INTS6: variants seen among roughly 807,000 people sequenced by gnomAD.
INTS6 encodes DEAD box protein.
In INTS6, 16 loss-of-function variants were observed where a neutral mutation model predicts 104.9. The ratio of observed to expected loss-of-function variants is 0.15; its 90% CI spans 0.10 to 0.23. The LOEUF (loss-of-function observed/expected upper bound fraction) is 0.23, where lower values mean the gene tolerates loss of function less well. Ranked by LOEUF, INTS6 falls within the 10% of genes least tolerant of loss-of-function variation. The pLI is 1.00. For synonymous variants in INTS6, 324 were observed against 358.7 expected (o/e 0.90, Z 1.09); for missense variants, 584 against 1,062.8 (o/e 0.55, Z 6.26).
chr13:51,452,384 G>C lies in INTS6; in HGVS notation c.111+31C>G. On this transcript the variant is annotated intron_variant, in intron 1 of 17. Coordinates refer to ENST00000311234, the MANE Select transcript of INTS6 (RefSeq NM_012141.3). The surrounding 1 kb of genome is among the most constrained non-coding windows in gnomAD (Gnocchi z 4.2). ...CTGCCGCCCGCGGGCCGCCGGGCCG[G>C]GGTCGCCGCCCGGGCTCGGTCAGTC... 1 of 1,527,636 alleles carries C rather than the reference G, an allele frequency of 6.5e-7. No individual in the cohort carries two copies. Among genetic ancestry groups the C allele is most frequent in the Non-Finnish European group, 8.8e-7 (1 of 1,137,408 alleles). The allele number at this position is 1,527,636 out of a possible 1,614,324, so 94.6% of individuals were successfully genotyped here. A position where few individuals can be genotyped will look rare whatever the true frequency, so the allele number is the denominator to read the frequency against.
rs1418703652 is a variant in INTS6 at position 51,430,544 on chromosome 13, ACATAAACTAAACAGTGATTAAC to A, written c.340-183_340-162del. Among the ~76,000 whole-genome samples the A allele has an allele frequency of 2.0e-5, 3 of 152,222 alleles. No individual in the cohort carries two copies. In the East Asian group the frequency reaches 5.8e-4, roughly 29 times the overall value. ...ATTTTAAGAAAAGATATAGAACGAC[ACATAAACTAAACAGTGATTAAC>A]CCTGAGAAAGAGGGATTAGGTAGAG... On this transcript the variant is annotated intron_variant, in intron 3 of 17. Coordinates refer to ENST00000311234, the MANE Select transcript of INTS6 (RefSeq NM_012141.3).
intron 4 of INTS6, among the ~76,000 whole-genome samples, chr13:51,399,709 T>C (rs942585583): frequency 6.8e-6 from 1 of 147,992 alleles, no homozygotes; most frequent in African/African-American, 2.4e-5. Context: ...CCATTGTGGG[T>C]GTGTGTGTGT....
chr13:51,348,318 C>T, the INTS6 span: 15 of 1,613,816 alleles, frequency 9.3e-6, no homozygotes, highest in Non-Finnish European at 1.3e-5. Flanking sequence ...AAAGACACCC[C>T]CCTGAGCCAC....
Position 51,421,079 on chromosome 13 carries a change from C to T in INTS6, c.429+9215G>A, listed in dbSNP as rs781592410. 299 of 909,250 alleles carry T rather than the reference C, an allele frequency of 3.3e-4. 1 individual carries two copies. Among genetic ancestry groups the T allele is most frequent in the Admixed American group, 2.2e-3 (35 of 16,148 alleles). The allele number at this position is 909,250 out of a possible 1,614,324, so 56.3% of individuals were successfully genotyped here. A position where few individuals can be genotyped will look rare whatever the true frequency, so the allele number is the denominator to read the frequency against. On this transcript the variant is annotated intron_variant, in intron 4 of 17. Coordinates refer to ENST00000311234, the MANE Select transcript of INTS6 (RefSeq NM_012141.3). ...CAGATTCTCCAACAAATAGTCATAGCCCCCAGAGAGAACTACACTCTACTC... is the reference window on the plus strand; with the variant it reads ...CAGATTCTCCAACAAATAGTCATAGTCCCCAGAGAGAACTACACTCTACTC...
intron 17 of INTS6, among the ~76,000 whole-genome samples, chr13:51,367,360 G>A (rs891590038): frequency 2.6e-5 from 4 of 152,072 alleles, no homozygotes; most frequent in African/African-American, 4.8e-5. Context: ...ATGTACTAAT[G>A]ATCCTGGGCT....
intron 4 of INTS6, among the ~76,000 whole-genome samples, chr13:51,397,419 T>TG (rs1163226684): frequency 1.3e-5 from 2 of 152,198 alleles, no homozygotes; most frequent in African/African-American, 4.8e-5. Context: ...GTTCTTTCTC[T>TG]GGCACGTAAG....
chr13:51,447,857 G>A (rs1028066156), intron 3 of INTS6: 1 of 151,576 alleles, frequency 6.6e-6, no homozygotes, highest in Non-Finnish European at 1.5e-5. Flanking sequence ...TCAGGAGTTC[G>A]AGACCAGCCT....
intron 16 of INTS6, 89 bp from the exon 17 acceptor site, chr13:51,367,987 G>T: frequency 1.6e-6 from 1 of 607,926 alleles, no homozygotes. Flanking sequence ...ATGATATTAA[G>T]ATATACTGAG....
At chr13:51,344,597 G>T in the INTS6 span, 1 of 815,094 alleles carries the variant, frequency 1.2e-6, no homozygotes, top group Non-Finnish European at 2.0e-6. Context: ...AATTACAGCA[G>T]AAGTCTGTCC....
rs1285878889 is a variant in INTS6 at position 51,354,690 on chromosome 13, T to C, written n.431-354A>G. Among the ~76,000 whole-genome samples, 4 of 152,188 alleles carry C rather than the reference T, an allele frequency of 2.6e-5. No homozygotes were observed. In the East Asian group the frequency reaches 7.7e-4, roughly 29 times the overall value. ...GACACTAATAGGAAGCAGAATGTTC[T>C]ATATATCGTAAGAGCAGAACAAGGT... On this transcript the variant is annotated intron_variant and non_coding_transcript_variant, in intron 3 of 3. Transcript: ENST00000476666.
intron 4 of INTS6, chr13:51,423,200 A>G (rs1315930286): frequency 2.4e-6 from 1 of 411,932 alleles, no homozygotes; most frequent in Non-Finnish European, 4.1e-6. Flanking sequence ...ATTAATTTAA[A>G]ATATACTTTC....
At chr13:51,429,068 T>C (rs1400652382) in intron 4 of INTS6, among the ~76,000 whole-genome samples, 1 of 152,154 alleles carries the variant, frequency 6.6e-6, no homozygotes, top group Non-Finnish European at 1.5e-5. Flanking sequence ...CTTTATTTCA[T>C]GGAGAAGGAT....
rs1346522851 is a variant in INTS6, at chr13:51,369,025, T to C, written c.2390A>G (p.Lys797Arg). ...NIPASSLNKGKKLMHCRSHEE... is the reference protein window; with the variant it reads ...NIPASSLNKGRKLMHCRSHEE... The stretch of plus-strand genomic sequence containing the variant: ...ATGGCTTCTGCAATGCATCAATTTC[T>C]TTCCTTTGTTGAGTGAAGATGCTGG... Residue 797 changes from lysine (K) to arginine (R), a missense_variant, in exon 16 of 18, where the codon AAG (lysine) becomes AGG (arginine). By Grantham distance (26) the Lys-to-Arg change is conservative. Coordinates refer to ENST00000311234, the MANE Select transcript of INTS6 (RefSeq NM_012141.3). 4 of 1,613,768 alleles carry C rather than the reference T, an allele frequency of 2.5e-6. No homozygotes were observed. The Admixed American group carries it at 5.0e-5, about 20-fold the overall frequency.
intron 4 of INTS6, among the ~76,000 whole-genome samples, chr13:51,415,630 T>C (rs141647899): frequency 4.0e-5 from 6 of 149,710 alleles, no homozygotes; most frequent in Non-Finnish European, 8.9e-5. Context: ...TCCCCAGCCA[T>C]GTAGAACTTT....
chr13:51,419,211 A>C (rs1183016403), intron 4 of INTS6, among the ~76,000 whole-genome samples: 2 of 152,180 alleles, frequency 1.3e-5, no homozygotes, highest in East Asian at 3.8e-4. Context: ...GTGCCAAAAA[A>C]ACCTGCTCTT....
chr13:51,376,198 A>AAAC, intron 12 of INTS6, 24 bp from the exon 13 acceptor site: 1 of 1,573,342 alleles, frequency 6.4e-7, no homozygotes, highest in Non-Finnish European at 8.6e-7. Context: ...TTCGAGGACA[A>AAAC]AATTTATTGT....
rs1673785801 is a variant in INTS6 at position 51,452,955 on chromosome 13, G to T, written c.-430C>A. The T allele has an allele frequency of 9.7e-7, 1 of 1,029,738 alleles. No homozygotes were observed. The highest frequency in any genetic ancestry group is 1.7e-5 in the African/African-American group (1 of 57,486). 63.8% of individuals were successfully genotyped at this position (1,029,738 alleles called of 1,614,324 possible). On this transcript the variant is annotated 5_prime_UTR_variant, in exon 1 of 18. Coordinates refer to ENST00000311234, the MANE Select transcript of INTS6 (RefSeq NM_012141.3). The surrounding 1 kb of genome is among the most constrained non-coding windows in gnomAD (Gnocchi z 4.2). ...AGTGGGCTGAGGGAAGATTGGCCCT[G>T]GGGCTGTTGGGAGAAGTTTCAGGGA... is the stretch of plus-strand genomic sequence containing the variant.
chr13:51,362,995 C>A lies in INTS6; in HGVS notation c.*2757G>T, dbSNP rs546890819. ...AATATCACTTATCACCCAGAACAGG[C>A]GGCAGAGAGCCTTCTCTTAGAAAGG... is the stretch of plus-strand genomic sequence containing the variant. On this transcript the variant is annotated 3_prime_UTR_variant, in exon 18 of 18. Transcript: ENST00000311234. 5 of 151,938 alleles carry A rather than the reference C, an allele frequency of 3.3e-5. No individual in the cohort carries two copies. The South Asian group carries it at 6.2e-4, about 19-fold the overall frequency. The allele number at this position is 151,938 out of a possible 1,614,324, so 9.4% of individuals were successfully genotyped here. A position where few individuals can be genotyped will look rare whatever the true frequency, so the allele number is the denominator to read the frequency against.
At chr13:51,414,931 A>G (rs930052530) in intron 4 of INTS6, among the ~76,000 whole-genome samples, 2 of 151,862 alleles carry the variant, frequency 1.3e-5, no homozygotes, top group African/African-American at 4.8e-5. Flanking sequence ...TTCACCGTCC[A>G]ACAATCCCAA....
Sources: allele counts gnomAD v4.1 joint callset (sites outside exome capture counted in the v4.1 genomes callset), GRCh38; gene constraint gnomAD v4.1.1; non-coding constraint Gnocchi (gnomAD v3.1); transcripts MANE v1.5; gene names NCBI Gene and HGNC (gene_info 2026-07-23, HGNC 2026-07-21).